The following PITPNM3 variants were observed in gnomAD, a reference collection of about 807,000 sequenced individuals.
PITPNM3 encodes the protein PITPNM family member 3, also known as membrane-associated phosphatidylinositol transfer protein 3.
In PITPNM3, 26 loss-of-function variants were observed where a neutral mutation model predicts 102.0. The observed-to-expected ratio is 0.25, with a 90% CI of 0.19 to 0.35. PITPNM3 has a LOEUF of 0.35. Among genes scored for constraint, PITPNM3 ranks in the 10% least tolerant of loss-of-function variants. The pLI, the probability that PITPNM3 is intolerant of heterozygous loss-of-function variation, is 1.00. For missense variants in PITPNM3, 1,083 were observed against 1,346.1 expected (o/e 0.80, Z 3.06); for synonymous variants, 578 against 558.6 (o/e 1.03, Z -0.49).
At chr17:6,475,656 T>C (rs4796502) in intron 9 of PITPNM3, among the ~76,000 whole-genome samples, 76,800 of 151,996 alleles carry the variant, frequency 0.51, 21,268 homozygotes, top group Middle Eastern at 0.64. Context: ...CCTAAACACA[T>C]GCCAACTACT....
intron 3 of PITPNM3, among the ~76,000 whole-genome samples, chr17:6,507,717 T>C (rs544630401): frequency 6.6e-6 from 1 of 152,266 alleles, no homozygotes; most frequent in East Asian, 1.9e-4. Flanking sequence ...CTTCTGGCAT[T>C]TCTCGGGCAT....
Position 6,477,073 on chromosome 17 carries a change from G to T in PITPNM3, c.1041C>A (p.Thr347=). The T allele has an allele frequency of 1.2e-6, 2 of 1,614,176 alleles. No homozygotes were observed. Among genetic ancestry groups the T allele is most frequent in the Non-Finnish European group, 1.7e-6 (2 of 1,180,032 alleles). ...GCTGGGTGATGGCCTCGCAGTCATAGGTGGAGGAGTCGCTCTGTTTCCGCG... is the reference window on the plus strand; with the variant it reads ...GCTGGGTGATGGCCTCGCAGTCATATGTGGAGGAGTCGCTCTGTTTCCGCG... ...PLPRKQSDSS[T]YDCEAITQHH... Residue 347 remains threonine, a synonymous_variant, in exon 9 of 20, where the codon ACC becomes ACA. Coordinates refer to ENST00000262483, the MANE Select transcript of PITPNM3 (RefSeq NM_031220.4).
rs939271776 is a variant in PITPNM3, at chr17:6,517,910, CA to C, written c.226+7445del. ...TTAAAACTGTACGTTTCTAGAACTACAAAAAAAGGAGGTATATAAGAAATTT... is the reference window on the plus strand; with the variant it reads ...TTAAAACTGTACGTTTCTAGAACTACAAAAAAGGAGGTATATAAGAAATTT... On this transcript the variant is annotated intron_variant, in intron 3 of 19. Coordinates refer to ENST00000262483, the MANE Select transcript of PITPNM3 (RefSeq NM_031220.4). The surrounding 1 kb of genome is among the most constrained non-coding windows in gnomAD (Gnocchi z 4.1). 6.7e-5 allele frequency among the ~76,000 whole-genome samples: 10 copies of C among 150,214 alleles called. No individual in the cohort carries two copies. Among genetic ancestry groups the C allele is most frequent in the African/African-American group, 2.2e-4 (9 of 40,826 alleles).
rs759552154 is a variant in PITPNM3 at position 6,478,027 on chromosome 17, G to A, written c.848C>T (p.Ser283Leu). Reference sequence around the variant, plus strand: ...GCTGCTGCTGGCAGGGCTGTCCCCTGAGGGCCCCGCACTGTAGCAGATGGC... The same window carrying A: ...GCTGCTGCTGGCAGGGCTGTCCCCTAAGGGCCCCGCACTGTAGCAGATGGC... ...FDAICYSAGPSGDSPASSSRK... is the reference protein window; with the variant it reads ...FDAICYSAGPLGDSPASSSRK... Residue 283 changes from serine to leucine, a missense_variant, in exon 8 of 20, where the codon TCA (serine) becomes TTA (leucine). By Grantham distance (145) the Ser-to-Leu change is moderately radical (BLOSUM62 -2). Coordinates refer to ENST00000262483, the MANE Select transcript of PITPNM3 (RefSeq NM_031220.4). This position sits in a 1 kb window ranked among gnomAD's most constrained non-coding sequence, Gnocchi z 4.4. The A allele has an allele frequency of 1.2e-6, 2 of 1,613,598 alleles. No individual in the cohort carries two copies. Among genetic ancestry groups the A allele is most frequent in the Non-Finnish European group, 1.7e-6 (2 of 1,180,036 alleles).
intron 4 of PITPNM3, among the ~76,000 whole-genome samples, chr17:6,485,953 A>G (rs1360272977): frequency 6.6e-6 from 1 of 152,200 alleles, no homozygotes; most frequent in Non-Finnish European, 1.5e-5. Context: ...TGCAGCAGAC[A>G]CCTTACAGCT....
Position 6,458,838 on chromosome 17 carries a change from C to T in PITPNM3, c.2491-1116G>A, listed in dbSNP as rs1304356553. On this transcript the variant is annotated intron_variant, in intron 18 of 19. Coordinates refer to ENST00000262483, the MANE Select transcript of PITPNM3 (RefSeq NM_031220.4). The surrounding 1 kb of genome is among the most constrained non-coding windows in gnomAD (Gnocchi z 5.1). ...CCCTGGAAATTTTTTCCACTATCCA[C>T]CTTGTGTTTTTGTACATGCTGCCCA... 6.6e-6 allele frequency among the ~76,000 whole-genome samples: 1 copy of T among 152,068 alleles called. No individual in the cohort carries two copies. The highest frequency in any genetic ancestry group is 2.4e-5 in the African/African-American group (1 of 41,404).
chr17:6,514,545 G>A (rs920896846), intron 3 of PITPNM3, among the ~76,000 whole-genome samples: 2 of 152,152 alleles, frequency 1.3e-5, no homozygotes, highest in East Asian at 1.9e-4. Context: ...GATCAAAACC[G>A]CAATGAGACA....
chr17:6,550,985 C>T (rs1224770504), intron 1 of PITPNM3, among the ~76,000 whole-genome samples: 1 of 152,208 alleles, frequency 6.6e-6, no homozygotes, highest in Non-Finnish European at 1.5e-5. Context: ...GGTGATTTCA[C>T]AGAGGTCGGC....
chr17:6,455,270 G>A lies in PITPNM3; in HGVS notation c.*68C>T. On this transcript the variant is annotated 3_prime_UTR_variant, in exon 20 of 20. Transcript: ENST00000262483. Reference sequence around the variant, plus strand: ...AAACGCCTGTGTCGGGGAGAGGGCAGCCCCCTCCCGTCCCCGCAGGCAGCC... The same window carrying A: ...AAACGCCTGTGTCGGGGAGAGGGCAACCCCCTCCCGTCCCCGCAGGCAGCC... 1 of 1,497,046 alleles carries A rather than the reference G, an allele frequency of 6.7e-7. No individual in the cohort carries two copies. The highest frequency in any genetic ancestry group is 8.9e-7 in the Non-Finnish European group (1 of 1,119,460). The allele number at this position is 1,497,046 out of a possible 1,614,324, so 92.7% of individuals were successfully genotyped here.
At chr17:6,551,762 C>T (rs35918778) in intron 1 of PITPNM3, among the ~76,000 whole-genome samples, 11,507 of 152,006 alleles carry the variant, frequency 0.076, 613 homozygotes, top group Non-Finnish European at 0.12. Flanking sequence ...CTGCGCTAGT[C>T]CCCTTTCCAA....
chr17:6,549,527 C>T (rs960848605), intron 1 of PITPNM3, among the ~76,000 whole-genome samples: 8 of 152,208 alleles, frequency 5.3e-5, no homozygotes, highest in African/African-American at 1.7e-4. Context: ...TCTACCCTTG[C>T]CACACACGCA....
intron 3 of PITPNM3, among the ~76,000 whole-genome samples, chr17:6,516,293 G>A (rs1282360397): frequency 7.9e-5 from 12 of 152,208 alleles, no homozygotes; most frequent in Non-Finnish European, 1.5e-4. Flanking sequence ...GCCGGGCGCC[G>A]TGGCTCATGC....
intron 2 of PITPNM3, among the ~76,000 whole-genome samples, chr17:6,528,517 G>A (rs1683138190): frequency 6.8e-6 from 1 of 146,638 alleles, no homozygotes; most frequent in Admixed American, 7.0e-5. Flanking sequence ...TACATGCATT[G>A]TGTGCATGTG....
rs566698587 is a variant in PITPNM3, at chr17:6,517,638, C to T, written c.226+7718G>A. 3.9e-5 allele frequency among the ~76,000 whole-genome samples: 6 copies of T among 152,074 alleles called. No individual in the cohort carries two copies. The highest frequency in any genetic ancestry group is 7.4e-5 in the Non-Finnish European group (5 of 68,008). On this transcript the variant is annotated intron_variant, in intron 3 of 19. Coordinates refer to ENST00000262483, the MANE Select transcript of PITPNM3 (RefSeq NM_031220.4). The surrounding 1 kb of genome is among the most constrained non-coding windows in gnomAD (Gnocchi z 4.1). ...GCAGTGGAGCAAGCATGGCTCACTG[C>T]AGCCTTAACCTCCTGGGTTCAAGCA... is the stretch of plus-strand genomic sequence containing the variant.
chr17:6,556,227 T>C lies in PITPNM3; in HGVS notation c.22+158A>G, dbSNP rs570204826. ...GACGGGGGGCGCGCGGAGCCCCCTCTCCACGCGCGGGAGGTCCAGCCCCGC... is the reference window on the plus strand; with the variant it reads ...GACGGGGGGCGCGCGGAGCCCCCTCCCCACGCGCGGGAGGTCCAGCCCCGC... On this transcript the variant is annotated intron_variant, in intron 1 of 19. Transcript: ENST00000262483. This position sits in a 1 kb window ranked among gnomAD's most constrained non-coding sequence, Gnocchi z 5.2. 2.0e-4 allele frequency among the ~76,000 whole-genome samples: 30 copies of C among 151,874 alleles called. No homozygotes were observed. Among genetic ancestry groups the C allele is most frequent in the Middle Eastern group, 3.4e-3 (1 of 292 alleles).
chr17:6,550,681 T>C (rs1388710670), intron 1 of PITPNM3, among the ~76,000 whole-genome samples: 1 of 152,196 alleles, frequency 6.6e-6, no homozygotes, highest in African/African-American at 2.4e-5. Context: ...TGAGAAAACA[T>C]CACAGCTTCT....
rs1309423779 is a variant in PITPNM3, at chr17:6,459,230, T to G, written c.2491-1508A>C. ...CCCCCTTGTCCTTCCGAACTGTCTT[T>G]TCCTCACAAGGTCATCTGGTGGCCA... On this transcript the variant is annotated intron_variant, in intron 18 of 19. Transcript: ENST00000262483. This position sits in a 1 kb window ranked among gnomAD's most constrained non-coding sequence, Gnocchi z 5.0. 6.6e-6 allele frequency among the ~76,000 whole-genome samples: 1 copy of G among 152,142 alleles called. No homozygotes were observed. The highest frequency in any genetic ancestry group is 2.4e-5 in the African/African-American group (1 of 41,412).
At position 6,456,029 on chromosome 17, in the gene PITPNM3, A is replaced by T. The variant is rs142353583; in HGVS notation, c.2620-386T>A. Among the ~76,000 whole-genome samples the T allele has an allele frequency of 1.3e-3, 195 of 151,786 alleles. 3 individuals carry two copies. Among genetic ancestry groups the T allele is most frequent in the East Asian group, 6.8e-3 (35 of 5,124 alleles). The stretch of plus-strand genomic sequence containing the variant: ...CTTTCCTATTTTATTTTAATTAATT[A>T]ATTTATTTATTTGAGAAAGGGTCTC... On this transcript the variant is annotated intron_variant, in intron 19 of 19. Transcript: ENST00000262483.
intron 3 of PITPNM3, among the ~76,000 whole-genome samples, chr17:6,506,175 C>T (rs1330329992): frequency 6.6e-6 from 1 of 152,038 alleles, no homozygotes; most frequent in African/African-American, 2.4e-5. Context: ...TCATACTCCA[C>T]CAAAACCAGC....
Sources: allele counts gnomAD v4.1 joint callset (sites outside exome capture counted in the v4.1 genomes callset), GRCh38; gene constraint gnomAD v4.1.1; non-coding constraint Gnocchi (gnomAD v3.1); transcripts MANE v1.5; gene names NCBI Gene and HGNC (gene_info 2026-07-23, HGNC 2026-07-21).